Variants in DSE observed in about 807,000 individuals in gnomAD.
The protein encoded by DSE is dermatan-sulfate epimerase.
Under a neutral mutation model 84.4 loss-of-function variants are expected in DSE, and 36 were observed. The ratio of observed to expected loss-of-function variants is 0.43; its 90% CI spans 0.33 to 0.56. The LOEUF is 0.56. Ranked by LOEUF, DSE falls within the 20% of genes least tolerant of loss-of-function variation. The pLI is 0.06. For synonymous variants in DSE, 410 were observed against 430.1 expected, an observed-to-expected ratio of 0.95 and a Z score of 0.58; for missense variants, 862 against 1,169.6, an observed-to-expected ratio of 0.74 and a Z score of 3.84.
intron 2 of DSE, among the ~76,000 whole-genome samples, chr6:116,339,229 A>T (rs1777444908): frequency 6.6e-6 from 1 of 152,068 alleles, no homozygotes; most frequent in Admixed American, 6.5e-5. Context: ...AACTTACATA[A>T]TGTTAAATCT....
At chr6:116,380,757 C>T (rs1450498138) in intron 1 of DSE, among the ~76,000 whole-genome samples, 3 of 152,156 alleles carry the variant, frequency 2.0e-5, no homozygotes, top group Admixed American at 1.3e-4. Context: ...GTGATCAAAT[C>T]CCTTTTGGAT....
At chr6:116,277,892 A>G (rs1222120399) in intron 2 of DSE, 1 of 138,138 alleles carries the variant, frequency 7.2e-6, no homozygotes, top group Non-Finnish European at 1.5e-5. Context: ...ACAGAGCAAG[A>G]CTCCGTCCTC....
chr6:116,397,352 A>AC (rs11406105), intron 1 of DSE, among the ~76,000 whole-genome samples: 78,704 of 150,576 alleles, frequency 0.52, 21,307 homozygotes, highest in African/African-American at 0.63. Flanking sequence ...GAATACAGGC[A>AC]CCCCCCACCA....
chr6:116,437,156 G>C lies in DSE; in HGVS notation c.2688G>C (p.Leu896=). Residue 896 remains leucine, a synonymous_variant, in exon 6 of 6, where the codon CTG becomes CTC. Transcript: ENST00000644252. ...VTTTHSRAPS[L]SASYTRLFLI... ...CTACACACAGCAGGGCCCCATCACT[G>C]TCTGCTTCCTATACCAGGTTGTTCC... is the stretch of plus-strand genomic sequence containing the variant. 6.2e-7 allele frequency: 1 copy of C among 1,614,138 alleles called. No individual in the cohort carries two copies. Among genetic ancestry groups the C allele is most frequent in the South Asian group, 1.1e-5 (1 of 91,086 alleles).
chr6:116,279,038 G>A (rs1402310153), intron 2 of DSE: 1 of 1,613,462 alleles, frequency 6.2e-7, no homozygotes. Flanking sequence ...CTCCGCTCCA[G>A]GTAGTGTCGA....
intron 2 of DSE, 68 bp from the exon 3 acceptor site, chr6:116,426,506 C>A: frequency 6.4e-7 from 1 of 1,556,848 alleles, no homozygotes; most frequent in Admixed American, 1.8e-5. Flanking sequence ...GAGAAATAGA[C>A]ACTTTAGAAG....
chr6:116,337,178 T>C (rs922348642), intron 2 of DSE, among the ~76,000 whole-genome samples: 2 of 152,222 alleles, frequency 1.3e-5, no homozygotes, highest in African/African-American at 4.8e-5. Flanking sequence ...AGCTCGTATA[T>C]AGAGCTGACT....
intron 2 of DSE, among the ~76,000 whole-genome samples, chr6:116,354,821 T>C (rs1188168020): frequency 3.9e-5 from 6 of 152,196 alleles, no homozygotes; most frequent in Admixed American, 6.5e-5. Context: ...AATAGTGACA[T>C]GTTTTACATT....
At chr6:116,324,534 T>G (rs555467983) in intron 2 of DSE, among the ~76,000 whole-genome samples, 1 of 152,306 alleles carries the variant, frequency 6.6e-6, no homozygotes, top group African/African-American at 2.4e-5. Flanking sequence ...GAAAGCACAA[T>G]TGCTTTAGAA....
chr6:116,419,877 G>A (rs976452867), intron 2 of DSE, among the ~76,000 whole-genome samples: 1 of 152,188 alleles, frequency 6.6e-6, no homozygotes, highest in African/African-American at 2.4e-5. Context: ...AGAAAAAGAA[G>A]ATGGATCATT....
intron 1 of DSE, among the ~76,000 whole-genome samples, chr6:116,384,045 T>G (rs2882841): frequency 0.21 from 32,636 of 152,124 alleles, 3,676 homozygotes; most frequent in East Asian, 0.34. Flanking sequence ...ATTGTTTAAA[T>G]TTACAAATAG....
chr6:116,420,556 G>A (rs573277327), intron 2 of DSE, among the ~76,000 whole-genome samples: 3 of 152,212 alleles, frequency 2.0e-5, no homozygotes, highest in South Asian at 4.2e-4. Flanking sequence ...CTGACCATGC[G>A]GGCACCCTGA....
intron 2 of DSE, among the ~76,000 whole-genome samples, chr6:116,419,780 T>A (rs970696983): frequency 1.3e-5 from 2 of 152,242 alleles, no homozygotes; most frequent in Non-Finnish European, 2.9e-5. Context: ...CTGTATAAAA[T>A]CAGATTTTAA....
chr6:116,313,916 CA>C (rs1393864429), intron 2 of DSE, among the ~76,000 whole-genome samples: 1 of 152,134 alleles, frequency 6.6e-6, no homozygotes, highest in Non-Finnish European at 1.5e-5. Flanking sequence ...TGTCCTGAAT[CA>C]GAAAGAAAAT....
intron 1 of DSE, among the ~76,000 whole-genome samples, chr6:116,394,130 A>G (rs1260003109): frequency 1.3e-5 from 2 of 152,238 alleles, no homozygotes; most frequent in Non-Finnish European, 1.5e-5. Flanking sequence ...TGTGGAACAA[A>G]TAATACTATT....
rs1776636089 is a variant in DSE, at chr6:116,326,603, A to G, written c.-54+67636A>G. On this transcript the variant is annotated intron_variant, in intron 2 of 3. Coordinates refer to the DSE transcript ENST00000430252. ...TGAGGCAGCCAAATCCTGACTCACT[A>G]CAGTCCTACACTGTGTCTCTCTTGC... 2.0e-5 allele frequency among the ~76,000 whole-genome samples: 3 copies of G among 152,164 alleles called. No individual in the cohort carries two copies. The South Asian group carries it at 6.2e-4, about 32-fold the overall frequency.
chr6:116,324,799 T>C (rs777030053), intron 2 of DSE, among the ~76,000 whole-genome samples: 17 of 152,206 alleles, frequency 1.1e-4, no homozygotes, highest in African/African-American at 1.9e-4. Context: ...CTGTTCCTTA[T>C]AATGAGTAGA....
chr6:116,258,890 T>G, exon 2 of DSE: 2 of 1,604,028 alleles, frequency 1.2e-6, no homozygotes, highest in Non-Finnish European at 1.7e-6. Flanking sequence ...TGCATCATCA[T>G]GGAGTTAGTA....
rs1360774990 is a variant in DSE, at chr6:116,441,260, C to A, written c.*3915C>A. ...TGAAGAATAAAAATAGACAAAGTTG[C>A]ATTATGACTTTTCTTCTTGCATATA... On this transcript the variant is annotated 3_prime_UTR_variant, in exon 6 of 6. Coordinates refer to ENST00000644252, the MANE Select transcript of DSE (RefSeq NM_013352.4). 6.6e-6 allele frequency: 1 copy of A among 152,018 alleles called. No homozygotes were observed. The highest frequency in any genetic ancestry group is 1.5e-5 in the Non-Finnish European group (1 of 67,990). The allele number at this position is 152,018 out of a possible 1,614,324, so 9.4% of individuals were successfully genotyped here. A position where few individuals can be genotyped will look rare whatever the true frequency, so the allele number is the denominator to read the frequency against.
Sources: allele counts gnomAD v4.1 joint callset (sites outside exome capture counted in the v4.1 genomes callset), GRCh38; gene constraint gnomAD v4.1.1; transcripts MANE v1.5; gene names NCBI Gene and HGNC (gene_info 2026-07-23, HGNC 2026-07-21).